LAMA3: variants seen among roughly 807,000 people sequenced by gnomAD.
LAMA3 encodes the protein laminin subunit alpha-3.
LAMA3 carries 281 observed loss-of-function variants against 402.0 expected under a neutral mutation model. That is an observed-to-expected ratio of 0.70 (90% CI 0.63 to 0.77). LAMA3 has a LOEUF of 0.77. Ranked by LOEUF, LAMA3 falls within the 30% of genes least tolerant of loss-of-function variation. The probability of loss-of-function intolerance (pLI) is 0.00; values close to 1 mark genes in which losing one functional copy is unlikely to be tolerated. For missense variants in LAMA3, 3,840 were observed against 4,215.5 expected (o/e 0.91, Z 2.47); for synonymous variants, 1,431 against 1,558.4 (o/e 0.92, Z 1.93).
intron 12 of LAMA3, among the ~76,000 whole-genome samples, chr18:23,807,467 T>C (rs915455761): frequency 1.3e-5 from 2 of 151,790 alleles, no homozygotes; most frequent in East Asian, 1.9e-4. Flanking sequence ...AGTGTGTGTG[T>C]GTGTGTGTGT....
At chr18:23,738,619 C>G (rs1468428434) in intron 2 of LAMA3, among the ~76,000 whole-genome samples, 1 of 152,160 alleles carries the variant, frequency 6.6e-6, no homozygotes, top group Admixed American at 6.5e-5. Flanking sequence ...GCACAGAGCC[C>G]ACCTGTGAGG....
At position 23,954,791 on chromosome 18, in the gene LAMA3, A is replaced by G; in HGVS notation, c.*143A>G. 1.2e-6 allele frequency: 1 copy of G among 821,648 alleles called. No homozygotes were observed. The highest frequency in any genetic ancestry group is 1.4e-5 in the South Asian group (1 of 70,570). The allele number at this position is 821,648 out of a possible 1,614,324, so 50.9% of individuals were successfully genotyped here. Reference sequence around the variant, plus strand: ...GCGAATCTAATTTTGAATTCTGACCATGGATACCCATCACTTTGGCATTCA... The same window carrying G: ...GCGAATCTAATTTTGAATTCTGACCGTGGATACCCATCACTTTGGCATTCA... On this transcript the variant is annotated 3_prime_UTR_variant, in exon 75 of 75. Transcript: ENST00000313654.
intron 50 of LAMA3, 64 bp from the exon 51 acceptor site, chr18:23,904,488 TG>T: frequency 2.0e-6 from 3 of 1,486,980 alleles, no homozygotes; most frequent in East Asian, 2.4e-5. Flanking sequence ...TGGAAAGGTT[TG>T]GGGGGATGTC....
At chr18:23,873,344 C>G in intron 38 of LAMA3, 1 of 852,268 alleles carries the variant, frequency 1.2e-6, no homozygotes. Flanking sequence ...TCCCAGTCAC[C>G]TTGACTGGCA....
intron 20 of LAMA3, among the ~76,000 whole-genome samples, chr18:23,823,932 G>A (rs930606199): frequency 6.6e-6 from 1 of 152,016 alleles, no homozygotes; most frequent in African/African-American, 2.4e-5. Context: ...CAGCTACTTG[G>A]GAGGCTGAAG....
intron 36 of LAMA3, among the ~76,000 whole-genome samples, chr18:23,866,566 A>G (rs956911103): frequency 6.6e-6 from 1 of 152,260 alleles, no homozygotes; most frequent in African/African-American, 2.4e-5. Flanking sequence ...CAGTAAAAAC[A>G]CAGTCACAGC....
At chr18:23,858,025 G>GGAAAT in intron 33 of LAMA3, 37 bp downstream of exon 33, 1 of 1,613,616 alleles carries the variant, frequency 6.2e-7, no homozygotes, top group Non-Finnish European at 8.5e-7. Context: ...AACAGCTGCC[G>GGAAAT]GTCAGCAGGA....
intron 32 of LAMA3, among the ~76,000 whole-genome samples, chr18:23,848,303 G>T (rs2063867204): frequency 6.6e-6 from 1 of 152,182 alleles, no homozygotes; most frequent in South Asian, 2.1e-4. Flanking sequence ...TAAGGGACAG[G>T]TGGAGACCTC....
chr18:23,824,663 A>C, intron 21 of LAMA3, 98 bp downstream of exon 21: 13 of 1,348,182 alleles, frequency 9.6e-6, no homozygotes, highest in East Asian at 2.3e-5. Flanking sequence ...ATAAAATATC[A>C]CAATCATTGG....
chr18:23,890,245 T>C (rs771797902), intron 42 of LAMA3, 128 bp downstream of exon 42: 2 of 717,992 alleles, frequency 2.8e-6, no homozygotes, highest in Non-Finnish European at 5.0e-6. Context: ...GTCCCCAGGA[T>C]GCATAATACA....
At position 23,947,571 on chromosome 18, in the gene LAMA3, A is replaced by C. The variant is rs1299773577; in HGVS notation, c.9351+1287A>C. Reference sequence around the variant, plus strand: ...TCAGCCTGGCCCTCTTGGGTTTTGCACTGGGGTTTGGGCCAGAGCTCCAGT... The same window carrying C: ...TCAGCCTGGCCCTCTTGGGTTTTGCCCTGGGGTTTGGGCCAGAGCTCCAGT... On this transcript the variant is annotated intron_variant, in intron 70 of 74. Coordinates refer to ENST00000313654, the MANE Select transcript of LAMA3 (RefSeq NM_198129.4). Among the ~76,000 whole-genome samples the C allele has an allele frequency of 5.9e-5, 9 of 152,196 alleles. No homozygotes were observed. In the East Asian group the frequency reaches 1.7e-3, roughly 29 times the overall value.
chr18:23,871,376 C>A, intron 37 of LAMA3, 55 bp from the exon 38 acceptor site: 1 of 1,444,884 alleles, frequency 6.9e-7, no homozygotes, highest in Non-Finnish European at 9.7e-7. Context: ...CTCTAAGGAA[C>A]CCCTGGAAGT....
chr18:23,931,451 G>A, intron 65 of LAMA3: 1 of 462,580 alleles, frequency 2.2e-6, no homozygotes, highest in Non-Finnish European at 3.9e-6. Context: ...GAGGCCAAGA[G>A]TTCGAGACCA....
intron 11 of LAMA3, among the ~76,000 whole-genome samples, chr18:23,782,817 A>G (rs1385271277): frequency 7.0e-6 from 1 of 142,058 alleles, no homozygotes; most frequent in Non-Finnish European, 1.5e-5. Flanking sequence ...TTTTTCATCT[A>G]TAAAATACTT....
Position 23,909,211 on chromosome 18 carries a change from A to G in LAMA3, c.7074A>G (p.Gln2358=). The change falls in exon 55 of 75, where the codon CAA becomes CAG. Residue 2358 remains glutamine, a synonymous_variant. Coordinates refer to ENST00000313654, the MANE Select transcript of LAMA3 (RefSeq NM_198129.4). ...GGCGCAAGATTGAAAGTATCAACCAACAGCTGTTGCCCTTGGGAAACATCT... is the reference window on the plus strand; with the variant it reads ...GGCGCAAGATTGAAAGTATCAACCAGCAGCTGTTGCCCTTGGGAAACATCT... ...DLWRKIESIN[Q]QLLPLGNISD... 1 of 1,614,058 alleles carries G rather than the reference A, an allele frequency of 6.2e-7. No homozygotes were observed. Among genetic ancestry groups the G allele is most frequent in the Non-Finnish European group, 8.5e-7 (1 of 1,179,950 alleles).
At chr18:23,921,194 A>C (rs2081823592) in intron 61 of LAMA3, 140 bp downstream of exon 61, 3 of 1,057,878 alleles carry the variant, frequency 2.8e-6, no homozygotes, top group Non-Finnish European at 2.8e-6. Flanking sequence ...ATATCCTTTT[A>C]AAATTTGCAC....
chr18:23,823,810 G>A (rs1300117909), intron 20 of LAMA3, among the ~76,000 whole-genome samples: 1 of 152,176 alleles, frequency 6.6e-6, no homozygotes, highest in Non-Finnish European at 1.5e-5. Context: ...TTTGTTTAAT[G>A]CAGAAGAAAA....
At chr18:23,905,258 G>A (rs1413137469) in intron 51 of LAMA3, among the ~76,000 whole-genome samples, 4 of 152,210 alleles carry the variant, frequency 2.6e-5, no homozygotes, top group South Asian at 2.1e-4. Flanking sequence ...GTTTTTGTAC[G>A]AATGACAGTG....
At chr18:23,767,962 A>G (rs1194180407) in intron 8 of LAMA3, among the ~76,000 whole-genome samples, 1 of 152,166 alleles carries the variant, frequency 6.6e-6, no homozygotes, top group Non-Finnish European at 1.5e-5. Context: ...CTTTCACCAT[A>G]TATTATACAA....
Sources: allele counts gnomAD v4.1 joint callset (sites outside exome capture counted in the v4.1 genomes callset), GRCh38; gene constraint gnomAD v4.1.1; transcripts MANE v1.5; gene names NCBI Gene and HGNC (gene_info 2026-07-23, HGNC 2026-07-21).